The following FNBP4 variants were observed in gnomAD, a reference collection of about 807,000 sequenced individuals.
FNBP4 encodes the protein formin binding protein 4, also known as formin-binding protein 4.
A neutral mutation model predicts 119.3 loss-of-function variants in FNBP4; 34 were observed. That is an observed-to-expected ratio of 0.28 (90% CI 0.22 to 0.38). The LOEUF (loss-of-function observed/expected upper bound fraction) is 0.38. Ranked by LOEUF, FNBP4 falls within the 10% of genes least tolerant of loss-of-function variation. The pLI is 1.00. For missense variants in FNBP4, 1,112 were observed against 1,228.9 expected, an observed-to-expected ratio of 0.90 and a Z score of 1.42; for synonymous variants, 462 against 430.6, an observed-to-expected ratio of 1.07 and a Z score of -0.90.
Position 47,732,643 on chromosome 11 carries a change from C to T in FNBP4, c.1714G>A (p.Ala572Thr). 1 of 1,614,164 alleles carries T rather than the reference C, an allele frequency of 6.2e-7. No homozygotes were observed. The highest frequency in any genetic ancestry group is 8.5e-7 in the Non-Finnish European group (1 of 1,180,032). ...ETRIADWREG[A>T]LNGNYLKRKL... ...CGTTTAAGGTAGTTTCCATTAAGAG[C>T]CCCTTCCCGCCAGTCTGCAATTCGA... is the stretch of plus-strand genomic sequence containing the variant. The change falls in exon 11 of 17, where the codon GCT (alanine) becomes ACT (threonine). Residue 572 changes from alanine (A) to threonine (T), a missense_variant. Ala to Thr is a moderately conservative substitution (Grantham distance 58). Transcript: ENST00000263773. This position sits in a 1 kb window ranked among gnomAD's most constrained non-coding sequence, Gnocchi z 4.2.
At chr11:47,759,587 A>T (rs2097628561) in intron 2 of FNBP4, among the ~76,000 whole-genome samples, 1 of 152,190 alleles carries the variant, frequency 6.6e-6, no homozygotes, top group Non-Finnish European at 1.5e-5. Context: ...AAACTTCTGT[A>T]TGAAATAACG....
intron 2 of FNBP4, among the ~76,000 whole-genome samples, chr11:47,763,492 GTGTTT>G (rs66524823): frequency 0.96 from 142,899 of 149,282 alleles, 68,694 homozygotes; most frequent in East Asian, 1. Flanking sequence ...CAGAGCCATA[GTGTTT>G]TGTTTTGTTT....
rs566663110 is a variant in FNBP4 at position 47,762,741 on chromosome 11, C to T, written c.313+2529G>A. Reference sequence around the variant, plus strand: ...CAGCCTGGCCAACATGGTGAACCGTCTCTACTGAAAATACAAAAATTAGCT... The same window carrying T: ...CAGCCTGGCCAACATGGTGAACCGTTTCTACTGAAAATACAAAAATTAGCT... On this transcript the variant is annotated intron_variant, in intron 2 of 16. Transcript: ENST00000263773. 5.3e-5 allele frequency among the ~76,000 whole-genome samples: 8 copies of T among 151,552 alleles called. No homozygotes were observed. The South Asian group carries it at 1.5e-3, about 28-fold the overall frequency.
chr11:47,730,154 C>T (rs2097565768), intron 12 of FNBP4: 1 of 985,258 alleles, frequency 1.0e-6, no homozygotes, highest in Non-Finnish European at 1.2e-6. Context: ...AGCCACCTAT[C>T]CAGAACTACG....
intron 6 of FNBP4, among the ~76,000 whole-genome samples, chr11:47,746,833 TG>T (rs1365510767): frequency 1.3e-5 from 2 of 152,026 alleles, no homozygotes; most frequent in African/African-American, 4.8e-5. Context: ...TCCCAACAGG[TG>T]AGTATATATT....
intron 15 of FNBP4, 95 bp downstream of exon 15, chr11:47,722,881 G>C: frequency 2.9e-6 from 4 of 1,361,456 alleles, no homozygotes; most frequent in Non-Finnish European, 3.9e-6. Flanking sequence ...TTAAGCCACA[G>C]TGCCCAGCCT....
Position 47,732,241 on chromosome 11 carries a change from C to T in FNBP4, c.1820+296G>A. 8.4e-7 allele frequency: 1 copy of T among 1,187,470 alleles called. No homozygotes were observed. Among genetic ancestry groups the T allele is most frequent in the East Asian group, 4.5e-5 (1 of 22,162 alleles). The allele number at this position is 1,187,470 out of a possible 1,614,324, so 73.6% of individuals were successfully genotyped here. ...GGTCCTGTAAAGCGCACAGAGCTCT[C>T]GCATGCGCTTAACCCCCAAGCCCGC... On this transcript the variant is annotated intron_variant, in intron 11 of 16. Coordinates refer to ENST00000263773, the MANE Select transcript of FNBP4 (RefSeq NM_015308.5). This position sits in a 1 kb window ranked among gnomAD's most constrained non-coding sequence, Gnocchi z 4.2.
chr11:47,762,424 G>T (rs927452936), intron 2 of FNBP4, among the ~76,000 whole-genome samples: 1 of 151,918 alleles, frequency 6.6e-6, no homozygotes, highest in Admixed American at 6.6e-5. Flanking sequence ...ACCGTGCCCC[G>T]CCTATTTTTT....
At chr11:47,723,388 G>C in intron 14 of FNBP4, 72 bp from the exon 15 acceptor site, 1 of 1,518,592 alleles carries the variant, frequency 6.6e-7, no homozygotes, top group Non-Finnish European at 8.8e-7. Flanking sequence ...GAAAAGAGAA[G>C]TGGGGATTAG....
chr11:47,760,386 C>G (rs1466610725), intron 2 of FNBP4, among the ~76,000 whole-genome samples: 3 of 151,156 alleles, frequency 2.0e-5, no homozygotes, highest in Non-Finnish European at 2.9e-5. Flanking sequence ...CTCAGCCTAC[C>G]AAGTAGTTGG....
At chr11:47,734,983 C>CT (rs1338549867) in intron 9 of FNBP4, among the ~76,000 whole-genome samples, 1 of 110,354 alleles carries the variant, frequency 9.1e-6, no homozygotes, top group Non-Finnish European at 2.1e-5. Context: ...CCAACACCCC[C>CT]CCCCCCAAAA....
chr11:47,718,905 G>GTTTTT (rs35422529), intron 16 of FNBP4, among the ~76,000 whole-genome samples: 1 of 130,356 alleles, frequency 7.7e-6, no homozygotes, highest in African/African-American at 2.8e-5. Context: ...CACCCAACAT[G>GTTTTT]TTTTTTTTTT....
intron 8 of FNBP4, among the ~76,000 whole-genome samples, chr11:47,742,826 G>A (rs1039703979): frequency 1.1e-4 from 17 of 152,068 alleles, no homozygotes; most frequent in African/African-American, 3.9e-4. Flanking sequence ...GGAGGCACAG[G>A]TTGCAGTGAG....
chr11:47,731,672 AATGGACTGCT>A, intron 11 of FNBP4, 111 bp from the exon 12 acceptor site: 1 of 1,472,650 alleles, frequency 6.8e-7, no homozygotes, highest in Non-Finnish European at 8.9e-7. Context: ...CGAACCTCTT[AATGGACTGCT>A]ATTCACAAAG....
intron 6 of FNBP4, among the ~76,000 whole-genome samples, chr11:47,749,846 C>T (rs1027548826): frequency 6.6e-6 from 1 of 152,150 alleles, no homozygotes. Context: ...GCAAATATTT[C>T]AGAATTCAAA....
chr11:47,748,250 A>T (rs567776173), intron 6 of FNBP4, among the ~76,000 whole-genome samples: 48 of 151,748 alleles, frequency 3.2e-4, no homozygotes, highest in Non-Finnish European at 6.0e-4. Context: ...AAGAAAAAAA[A>T]AATAATAAAA....
rs1286325020 is a variant in FNBP4 at position 47,724,460 on chromosome 11, T to C, written c.2319+8A>G. The C allele has an allele frequency of 6.2e-7, 1 of 1,614,046 alleles. No homozygotes were observed. Among genetic ancestry groups the C allele is most frequent in the East Asian group, 2.2e-5 (1 of 44,896 alleles). On this transcript the variant is annotated splice_region_variant and intron_variant, in intron 13 of 16. Transcript: ENST00000263773. ...AAATCACTCAGAATGCCAAAGGGAA[T>C]TACTTACCTGGCTAGTTACAACTGT...
At chr11:47,758,607 G>A (rs140320554) in intron 2 of FNBP4, among the ~76,000 whole-genome samples, 4,370 of 152,044 alleles carry the variant, frequency 0.029, 218 homozygotes, top group African/African-American at 0.1. Context: ...GCTCATGCCT[G>A]TAATGCCAGC....
At position 47,722,965 on chromosome 11, in the gene FNBP4, AT is replaced by A; in HGVS notation, c.2805+10del. 1.3e-6 allele frequency: 2 copies of A among 1,488,594 alleles called. No individual in the cohort carries two copies. Among genetic ancestry groups the A allele is most frequent in the Non-Finnish European group, 1.8e-6 (2 of 1,126,522 alleles). The allele number at this position is 1,488,594 out of a possible 1,614,324, so 92.2% of individuals were successfully genotyped here. A position where few individuals can be genotyped will look rare whatever the true frequency, so the allele number is the denominator to read the frequency against. ...TAAAAATAAATTTTTAAAAAGGGAA[AT>A]TTATTATACCTTGTCTTTCCTTCCT... On this transcript the variant is annotated intron_variant, in intron 15 of 16. Transcript: ENST00000263773.
Sources: allele counts gnomAD v4.1 joint callset (sites outside exome capture counted in the v4.1 genomes callset), GRCh38; gene constraint gnomAD v4.1.1; non-coding constraint Gnocchi (gnomAD v3.1); transcripts MANE v1.5; gene names NCBI Gene and HGNC (gene_info 2026-07-23, HGNC 2026-07-21).